The following LHFPL3 variants were observed in gnomAD, a reference collection of about 807,000 sequenced individuals.
LHFPL3 encodes LHFPL tetraspan subfamily member 3.
A neutral mutation model predicts 19.3 loss-of-function variants in LHFPL3; 5 were observed. That is an observed-to-expected ratio of 0.26 (90% confidence interval 0.14 to 0.54). The LOEUF (loss-of-function observed/expected upper bound fraction) is 0.54. Among genes scored for constraint, LHFPL3 ranks in the 20% least tolerant of loss-of-function variants. The pLI is 0.94. For synonymous variants in LHFPL3, 133 were observed against 126.2 expected, an observed-to-expected ratio of 1.05 and a Z score of -0.36; for missense variants, 249 against 307.4, an observed-to-expected ratio of 0.81 and a Z score of 1.42.
rs1209899289 is a variant in LHFPL3, at chr7:104,889,016, A to G, written c.683-17171A>G. ...ATCTGACCAAAGACAGAAAGAGAAG[A>G]AAAAAAAGAAGTAAAGGTATACCTA... is the stretch of plus-strand genomic sequence containing the variant. On this transcript the variant is annotated intron_variant, in intron 2 of 2. Transcript: ENST00000424859. Among the ~76,000 whole-genome samples the G allele has an allele frequency of 9.0e-4, 137 of 152,136 alleles. 1 individual carries two copies. The highest frequency in any genetic ancestry group is 1.0e-4 in the Non-Finnish European group (7 of 67,996).
intron 1 of LHFPL3, among the ~76,000 whole-genome samples, chr7:104,464,810 T>C (rs1435528733): frequency 2.6e-5 from 4 of 152,178 alleles, no homozygotes; most frequent in Non-Finnish European, 5.9e-5. Context: ...GAGGGGCTGC[T>C]GTGAAGATCT....
At chr7:104,408,841 G>C (rs1297174886) in intron 1 of LHFPL3, among the ~76,000 whole-genome samples, 1 of 146,798 alleles carries the variant, frequency 6.8e-6, no homozygotes, top group Admixed American at 6.9e-5. Context: ...AAGAGTGGAG[G>C]CACTAGTGTT....
chr7:104,368,594 C>T (rs79119956), intron 1 of LHFPL3, among the ~76,000 whole-genome samples: 3,885 of 152,066 alleles, frequency 0.026, 175 homozygotes, highest in African/African-American at 0.089. Context: ...CCTTTTCTGC[C>T]CCTGACTTTC....
chr7:104,592,416 C>A (rs1277069486), intron 1 of LHFPL3, among the ~76,000 whole-genome samples: 2 of 11,096 alleles, frequency 1.8e-4, no homozygotes, highest in Non-Finnish European at 3.2e-4. Flanking sequence ...CTGGGTATCA[C>A]CAGCGGAGGC....
chr7:104,519,095 A>G (rs1018099865), intron 1 of LHFPL3, among the ~76,000 whole-genome samples: 2 of 152,114 alleles, frequency 1.3e-5, no homozygotes, highest in African/African-American at 4.8e-5. Flanking sequence ...GTTCCCTCTC[A>G]ATCTGACATA....
chr7:104,632,008 G>C (rs1791651417), intron 1 of LHFPL3, among the ~76,000 whole-genome samples: 1 of 152,186 alleles, frequency 6.6e-6, no homozygotes, highest in Non-Finnish European at 1.5e-5. Context: ...GAGGCAGTGA[G>C]TGACCTGTCT....
rs4549708 is a variant in LHFPL3 at position 104,746,601 on chromosome 7, T to C, written c.682+9690T>C. ...TAAAAAAATCACATTTCTGATAAAATTTTATTGTTGCCTTTTCTTGGAAAC... is the reference window on the plus strand; with the variant it reads ...TAAAAAAATCACATTTCTGATAAAACTTTATTGTTGCCTTTTCTTGGAAAC... On this transcript the variant is annotated intron_variant, in intron 2 of 2. Coordinates refer to ENST00000424859, the MANE Select transcript of LHFPL3 (RefSeq NM_199000.3). Among the ~76,000 whole-genome samples the C allele has an allele frequency of 4.6e-3, 696 of 152,306 alleles. 29 individuals carry two copies. The East Asian group carries it at 0.1, about 22-fold the overall frequency.
chr7:104,820,147 C>T (rs546630806), intron 2 of LHFPL3, among the ~76,000 whole-genome samples: 1 of 152,176 alleles, frequency 6.6e-6, no homozygotes, highest in South Asian at 2.1e-4. Flanking sequence ...TTGGAAAATC[C>T]ACGTGCATTC....
intron 1 of LHFPL3, among the ~76,000 whole-genome samples, chr7:104,405,268 T>C (rs1415789173): frequency 6.6e-6 from 1 of 152,170 alleles, no homozygotes; most frequent in Non-Finnish European, 1.5e-5. Context: ...TGTGATACTG[T>C]TTTTCCTAAC....
chr7:104,754,898 G>A (rs1006227028), intron 2 of LHFPL3, among the ~76,000 whole-genome samples: 3 of 151,920 alleles, frequency 2.0e-5, no homozygotes, highest in Non-Finnish European at 4.4e-5. Context: ...TATTTTCCTA[G>A]TGCTACAGAA....
chr7:104,821,380 T>C (rs62484329), intron 2 of LHFPL3, among the ~76,000 whole-genome samples: 10,067 of 152,260 alleles, frequency 0.066, 377 homozygotes, highest in Middle Eastern at 0.095. Flanking sequence ...AGAGTTCCGA[T>C]TCAGAAGCAC....
intron 1 of LHFPL3, among the ~76,000 whole-genome samples, chr7:104,455,743 T>C (rs1006857053): frequency 3.9e-5 from 6 of 152,170 alleles, no homozygotes; most frequent in Non-Finnish European, 7.4e-5. Flanking sequence ...AAAATAGTTA[T>C]TCCTCTCAGA....
At chr7:104,548,749 A>G (rs1794616209) in intron 1 of LHFPL3, among the ~76,000 whole-genome samples, 1 of 152,080 alleles carries the variant, frequency 6.6e-6, no homozygotes, top group South Asian at 2.1e-4. Context: ...GTATCTTTCT[A>G]TGAAAGAGAC....
chr7:104,679,036 G>A (rs372488432), intron 1 of LHFPL3, among the ~76,000 whole-genome samples: 8 of 152,184 alleles, frequency 5.3e-5, no homozygotes, highest in Non-Finnish European at 7.4e-5. Context: ...CCAAAACTTC[G>A]CAACTTAAAA....
chr7:104,387,716 C>T (rs10279388), intron 1 of LHFPL3, among the ~76,000 whole-genome samples: 51,772 of 151,964 alleles, frequency 0.34, 9,174 homozygotes, highest in Admixed American at 0.49. Flanking sequence ...CCAAGAAGCT[C>T]AATGACCTCC....
chr7:104,356,691 C>G (rs1416271886), intron 1 of LHFPL3, among the ~76,000 whole-genome samples: 1 of 152,142 alleles, frequency 6.6e-6, no homozygotes, highest in Non-Finnish European at 1.5e-5. Context: ...AACAGTCTAC[C>G]AAAATACACT....
intron 1 of LHFPL3, among the ~76,000 whole-genome samples, chr7:104,377,732 A>T (rs1163516662): frequency 6.6e-6 from 1 of 152,188 alleles, no homozygotes; most frequent in African/African-American, 2.4e-5. Context: ...CCCCACCTCA[A>T]ATCATCACAG....
chr7:104,657,984 C>T (rs1479853485), intron 1 of LHFPL3, among the ~76,000 whole-genome samples: 1 of 147,248 alleles, frequency 6.8e-6, no homozygotes, highest in African/African-American at 2.5e-5. Context: ...GATACCAGCA[C>T]AATTATTTTC....
At chr7:104,878,074 A>G (rs1584593340) in intron 2 of LHFPL3, among the ~76,000 whole-genome samples, 1 of 152,070 alleles carries the variant, frequency 6.6e-6, no homozygotes, top group African/African-American at 2.4e-5. Context: ...AGCTCAGGCA[A>G]TTTGCCCACC....
Sources: gnomAD v4.1 joint callset for allele counts (sites outside exome capture counted in the v4.1 genomes callset) on GRCh38, gnomAD v4.1.1 for gene constraint, MANE v1.5 for transcripts, NCBI Gene and HGNC (gene_info 2026-07-23, HGNC 2026-07-21) for gene names.